TRPV4: variants seen among roughly 807,000 people sequenced by gnomAD.
The protein encoded by TRPV4 is OSM9-like transient receptor potential channel 4.
Under a neutral mutation model 84.1 loss-of-function variants are expected in TRPV4, and 58 were observed. The ratio of observed to expected loss-of-function variants is 0.69; its 90% CI spans 0.56 to 0.86. The LOEUF (loss-of-function observed/expected upper bound fraction) is 0.86, where lower values mean the gene tolerates loss of function less well. TRPV4 is among the 40% of genes least tolerant of loss of function. The pLI, the probability that TRPV4 is intolerant of heterozygous loss-of-function variation, is 0.00. For synonymous variants in TRPV4, 489 were observed against 500.9 expected, an observed-to-expected ratio of 0.98 and a Z score of 0.32; for missense variants, 879 against 1,181.1, an observed-to-expected ratio of 0.74 and a Z score of 3.75.
intron 13 of TRPV4, 144 bp downstream of exon 13, chr12:109,788,256 G>A: frequency 2.4e-6 from 2 of 824,494 alleles, no homozygotes; most frequent in Non-Finnish European, 3.8e-6. Context: ...AGCCTCTGAT[G>A]CCCATTTTAC....
Position 109,783,542 on chromosome 12 carries a change from G to A in TRPV4, c.*79C>T. ...TCTGGGGCCAAAGCAGGGTGTGGGG[G>A]GACACCCCAGAAGGCACTGCTGAAA... On this transcript the variant is annotated 3_prime_UTR_variant, in exon 16 of 16. Coordinates refer to ENST00000261740, the MANE Select transcript of TRPV4 (RefSeq NM_021625.5). The surrounding 1 kb of genome is among the most constrained non-coding windows in gnomAD (Gnocchi z 4.6). 6.5e-7 allele frequency: 1 copy of A among 1,543,108 alleles called. No individual in the cohort carries two copies. The highest frequency in any genetic ancestry group is 1.2e-5 in the South Asian group (1 of 81,092).
At chr12:109,790,891 C>T (rs571118713) in intron 12 of TRPV4, among the ~76,000 whole-genome samples, 1 of 152,300 alleles carries the variant, frequency 6.6e-6, no homozygotes, top group East Asian at 1.9e-4. Context: ...ACCATGTGGA[C>T]AAGCCCAAGC....
intron 14 of TRPV4, among the ~76,000 whole-genome samples, chr12:109,784,860 CGTGTG>C (rs1486865976): frequency 8.1e-6 from 1 of 123,796 alleles, no homozygotes; most frequent in Non-Finnish European, 1.6e-5. Context: ...AAAAAAAAGA[CGTGTG>C]TGTGTGTGTG....
chr12:109,793,888 G>T lies in TRPV4; in HGVS notation c.1584+42C>A. On this transcript the variant is annotated intron_variant, in intron 9 of 15. Transcript: ENST00000261740. This position sits in a 1 kb window ranked among gnomAD's most constrained non-coding sequence, Gnocchi z 4.0. ...AGAAAAGAGGTGCAGGAAGAGAAGA[G>T]GAGGGCAGGCAGGGTGGGGGGCACG... 1 of 1,424,498 alleles carries T rather than the reference G, an allele frequency of 7.0e-7. No homozygotes were observed. Among genetic ancestry groups the T allele is most frequent in the Non-Finnish European group, 9.8e-7 (1 of 1,018,926 alleles). 88.2% of individuals were successfully genotyped at this position (1,424,498 alleles called of 1,614,324 possible).
At position 109,796,646 on chromosome 12, in the gene TRPV4, C is replaced by T. The variant is rs377257364; in HGVS notation, c.1211G>A (p.Arg404His). The T allele has an allele frequency of 2.7e-5, 43 of 1,614,158 alleles. No homozygotes were observed. The highest frequency in any genetic ancestry group is 2.5e-5 in the Non-Finnish European group (30 of 1,180,038). Residue 404 changes from arginine (R) to histidine (H), a missense_variant, in exon 7 of 16, where the codon CGC (arginine) becomes CAC (histidine). This residue lies in a region of TRPV4 where 521 missense variants were observed against 686.6 expected (regional missense o/e 0.76). Transcript: ENST00000261740. The surrounding 1 kb of genome is among the most constrained non-coding windows in gnomAD (Gnocchi z 4.2). ...VTDEDTRHLS[R>H]KFKDWAYGPV... ...CCCATAGGCCCAGTCCTTGAACTTG[C>T]GGGACAGGTGCCGTGTGTCCTCATC...
At chr12:109,791,299 C>T (rs185181873) in intron 12 of TRPV4, among the ~76,000 whole-genome samples, 1 of 151,342 alleles carries the variant, frequency 6.6e-6, no homozygotes, top group East Asian at 2.0e-4. Flanking sequence ...AAGAGAATCG[C>T]TTGAACCCAG....
rs1384511783 is a variant in TRPV4, at chr12:109,796,936, G to C, written c.1153-232C>G. On this transcript the variant is annotated intron_variant, in intron 6 of 15. Transcript: ENST00000261740. The surrounding 1 kb of genome is among the most constrained non-coding windows in gnomAD (Gnocchi z 4.2). ...CCACTTAACCAGTCAGCTGGAGCCA[G>C]ACAGAACCTGGATGAGCCTTCAACA... 6.6e-6 allele frequency among the ~76,000 whole-genome samples: 1 copy of C among 152,230 alleles called. No individual in the cohort carries two copies. The highest frequency in any genetic ancestry group is 1.5e-5 in the Non-Finnish European group (1 of 68,044).
At chr12:109,803,709 T>G (rs1890951870) in intron 3 of TRPV4, among the ~76,000 whole-genome samples, 2 of 152,160 alleles carry the variant, frequency 1.3e-5, no homozygotes, top group South Asian at 2.1e-4. Flanking sequence ...TCCTCCCACC[T>G]CAGCCTCCCA....
chr12:109,798,982 C>A lies in TRPV4; in HGVS notation c.854-70G>T, dbSNP rs941394250. Reference sequence around the variant, plus strand: ...GGGTGGGACTCTGCCTGCAGACACTCGGGGGACGGACACCGTGGCGCTCTG... The same window carrying A: ...GGGTGGGACTCTGCCTGCAGACACTAGGGGGACGGACACCGTGGCGCTCTG... On this transcript the variant is annotated intron_variant, in intron 5 of 15. Coordinates refer to ENST00000261740, the MANE Select transcript of TRPV4 (RefSeq NM_021625.5). The surrounding 1 kb of genome is among the most constrained non-coding windows in gnomAD (Gnocchi z 5.0). The A allele has an allele frequency of 6.9e-7, 1 of 1,458,146 alleles. No homozygotes were observed. The allele number at this position is 1,458,146 out of a possible 1,614,324, so 90.3% of individuals were successfully genotyped here.
chr12:109,830,042 A>G (rs532002747), intron 1 of TRPV4, among the ~76,000 whole-genome samples: 1 of 152,230 alleles, frequency 6.6e-6, no homozygotes, highest in South Asian at 2.1e-4. Flanking sequence ...TCTCAAACTC[A>G]CGGGCTCGAC....
At chr12:109,822,891 TG>T (rs1892145856) in intron 1 of TRPV4, among the ~76,000 whole-genome samples, 1 of 152,202 alleles carries the variant, frequency 6.6e-6, no homozygotes, top group Non-Finnish European at 1.5e-5. Context: ...TGGCTGCTGT[TG>T]GAATCATCAG....
At chr12:109,794,232 C>A in intron 8 of TRPV4, 97 bp downstream of exon 8, 1 of 1,508,190 alleles carries the variant, frequency 6.6e-7, no homozygotes, top group Non-Finnish European at 9.1e-7. Flanking sequence ...TCTCCGGGTC[C>A]CCCTACAGGG....
At chr12:109,803,283 GT>G in intron 3 of TRPV4, 140 bp from the exon 4 acceptor site, 1 of 1,039,756 alleles carries the variant, frequency 9.6e-7, no homozygotes, top group South Asian at 1.4e-5. Context: ...TTCCTCATCT[GT>G]CCAGTGGGGA....
chr12:109,786,970 C>A lies in TRPV4; in HGVS notation c.2209-133G>T. 1 of 1,282,700 alleles carries A rather than the reference C, an allele frequency of 7.8e-7. No individual in the cohort carries two copies. Among genetic ancestry groups the A allele is most frequent in the South Asian group, 1.3e-5 (1 of 74,238 alleles). The allele number at this position is 1,282,700 out of a possible 1,614,324, so 79.5% of individuals were successfully genotyped here. ...ATTTAGACTCCTACTCCCCACTAGACACAGGGTTTATAAACTCAAATACCC... is the reference window on the plus strand; with the variant it reads ...ATTTAGACTCCTACTCCCCACTAGAAACAGGGTTTATAAACTCAAATACCC... On this transcript the variant is annotated intron_variant, in intron 13 of 15. Coordinates refer to ENST00000261740, the MANE Select transcript of TRPV4 (RefSeq NM_021625.5). This position sits in a 1 kb window ranked among gnomAD's most constrained non-coding sequence, Gnocchi z 4.5.
At chr12:109,789,309 C>T (rs1204302526) in intron 12 of TRPV4, among the ~76,000 whole-genome samples, 2 of 152,102 alleles carry the variant, frequency 1.3e-5, no homozygotes, top group African/African-American at 2.4e-5. Flanking sequence ...GGATGGTCCC[C>T]GCCACGAAGA....
At chr12:109,799,002 G>T in intron 5 of TRPV4, 90 bp from the exon 6 acceptor site, 1 of 1,273,274 alleles carries the variant, frequency 7.9e-7, no homozygotes, top group South Asian at 1.3e-5. Flanking sequence ...ACACCGTGGC[G>T]CTCTGAGGAT....
intron 8 of TRPV4, 37 bp downstream of exon 8, chr12:109,794,292 G>GCC: frequency 6.2e-7 from 1 of 1,607,782 alleles, no homozygotes; most frequent in Non-Finnish European, 8.5e-7. Context: ...TCAGCCCAGT[G>GCC]CCTGCCCCAG....
intron 2 of TRPV4, among the ~76,000 whole-genome samples, chr12:109,810,817 T>C (rs1891472864): frequency 6.6e-6 from 1 of 151,788 alleles, no homozygotes; most frequent in Non-Finnish European, 1.5e-5. Flanking sequence ...CTGGACTTCC[T>C]GGGGTAGGGG....
At chr12:109,803,180 A>G in intron 3 of TRPV4, 37 bp from the exon 4 acceptor site, 1 of 1,611,862 alleles carries the variant, frequency 6.2e-7, no homozygotes, top group South Asian at 1.1e-5. Flanking sequence ...GCAGTGCTCC[A>G]GCCCATGACC....
Sources: gnomAD v4.1 joint callset for allele counts (sites outside exome capture counted in the v4.1 genomes callset) on GRCh38, gnomAD v4.1.1 for gene constraint, gnomAD v4.1.1 regional missense constraint, Gnocchi (gnomAD v3.1) non-coding constraint, MANE v1.5 for transcripts, NCBI Gene and HGNC (gene_info 2026-07-23, HGNC 2026-07-21) for gene names.